The following PGD variants were observed in gnomAD, a reference collection of about 807,000 sequenced individuals.
The protein encoded by PGD is phosphogluconate dehydrogenase.
In PGD, 21 loss-of-function variants were observed where a neutral mutation model predicts 60.4. That is an observed-to-expected ratio of 0.35 (90% confidence interval 0.25 to 0.50). PGD has a LOEUF of 0.50. PGD is among the 20% of genes least tolerant of loss of function. The pLI, the probability that PGD is intolerant of heterozygous loss-of-function variation, is 0.98. For missense variants in PGD, 477 were observed against 613.1 expected (o/e 0.78, Z 2.34); for synonymous variants, 230 against 235.9 (o/e 0.97, Z 0.23).
At position 10,403,590 on chromosome 1, in the gene PGD, GAAAAAA is replaced by G. The variant is rs71583866; in HGVS notation, c.330+469_330+474del. On this transcript the variant is annotated intron_variant, in intron 4 of 12. Transcript: ENST00000270776. ...TGGGCGACAGAGTGAAACTCCATCT[GAAAAAA>G]AAAAAAAAAAAAAAGACACTTGGTG... is the stretch of plus-strand genomic sequence containing the variant. Among the ~76,000 whole-genome samples the G allele has an allele frequency of 1.3e-4, 9 of 67,144 alleles. No homozygotes were observed. The Admixed American group carries it at 1.8e-3, about 14-fold the overall frequency. The allele number at this position is 67,144 out of a possible 152,430, so 44.0% of individuals were successfully genotyped here.
chr1:10,399,857 C>A, intron 2 of PGD, 153 bp downstream of exon 2: 1 of 674,808 alleles, frequency 1.5e-6, no homozygotes, highest in Non-Finnish European at 2.6e-6. Flanking sequence ...GGAGAAGCAC[C>A]CTGTAGGCGT....
At chr1:10,416,878 C>T in intron 8 of PGD, 109 bp from the exon 9 acceptor site, 1 of 978,470 alleles carries the variant, frequency 1.0e-6, no homozygotes. Flanking sequence ...TCTTCACTTG[C>T]TTCAGGCCAT....
chr1:10,412,984 G>A, intron 7 of PGD, 78 bp from the exon 8 acceptor site: 1 of 1,239,714 alleles, frequency 8.1e-7, no homozygotes, highest in Non-Finnish European at 1.2e-6. Flanking sequence ...GCATTGGTCA[G>A]CGTGGACATT....
At chr1:10,402,144 A>G in intron 3 of PGD, among the ~76,000 whole-genome samples, 1 of 152,242 alleles carries the variant, frequency 6.6e-6, no homozygotes. Flanking sequence ...AACTGTTGTC[A>G]TAAAATCATT....
rs1179488121 is a variant in PGD, at chr1:10,420,014, G to T, written c.*265G>T. On this transcript the variant is annotated 3_prime_UTR_variant, in exon 13 of 13. Transcript: ENST00000270776. Reference sequence around the variant, plus strand: ...CTCCTTGCGGCAGTGGCTTCCGCGTGCCCCGTGTGCTGGTGCGGTTCCCAT... The same window carrying T: ...CTCCTTGCGGCAGTGGCTTCCGCGTTCCCCGTGTGCTGGTGCGGTTCCCAT... The T allele has an allele frequency of 1.3e-5, 6 of 451,830 alleles. 1 individual carries two copies. Among genetic ancestry groups the T allele is most frequent in the Non-Finnish European group, 2.4e-5 (6 of 245,834 alleles). 28.0% of individuals were successfully genotyped at this position (451,830 alleles called of 1,614,324 possible).
At chr1:10,405,698 T>C (rs964650905) in intron 5 of PGD, among the ~76,000 whole-genome samples, 1 of 151,692 alleles carries the variant, frequency 6.6e-6, no homozygotes, top group East Asian at 2.0e-4. Context: ...TAGCCGGGCA[T>C]GGTGGAGGGC....
intron 3 of PGD, among the ~76,000 whole-genome samples, chr1:10,401,770 C>T (rs757447051): frequency 6.2e-4 from 94 of 152,124 alleles, no homozygotes; most frequent in Non-Finnish European, 1.3e-3. Context: ...AATCCCAGCA[C>T]TTTGGGAGGC....
chr1:10,417,332 C>A, intron 9 of PGD, 44 bp from the exon 10 acceptor site: 1 of 1,568,844 alleles, frequency 6.4e-7, no homozygotes, highest in Non-Finnish European at 8.7e-7. Flanking sequence ...AAGGCGGTCA[C>A]TCTCCTAATG....
In PGD at chr1:10,399,083, C is replaced by G. The variant is rs374170623; in HGVS notation, c.-35C>G. On this transcript the variant is annotated 5_prime_UTR_variant, in exon 1 of 13. Transcript: ENST00000270776. The stretch of plus-strand genomic sequence containing the variant: ...GTCTTTCCCTCACTCGTCCTCCGCG[C>G]GTCGCCGCTCTTCGGTTCTGCTCTG... 1.6e-5 allele frequency: 25 copies of G among 1,608,828 alleles called. No homozygotes were observed. Among genetic ancestry groups the G allele is most frequent in the Non-Finnish European group, 2.0e-5 (24 of 1,179,506 alleles).
rs761910938 is a variant in PGD, at chr1:10,417,452, G to C, written c.1052G>C (p.Trp351Ser). The C allele has an allele frequency of 3.1e-6, 5 of 1,613,866 alleles. No homozygotes were observed. The highest frequency in any genetic ancestry group is 4.5e-5 in the East Asian group (2 of 44,890). Residue 351 changes from tryptophan (W) to serine (S), a missense_variant, in exon 10 of 13, where the codon TGG becomes TCG. By Grantham distance (177) the Trp-to-Ser change is radical. Coordinates refer to ENST00000270776, the MANE Select transcript of PGD (RefSeq NM_002631.4). ...AGGCAGGCAGCCACCGAGTTTGGCTGGACTCTCAATTATGGTGGCATCGCC... is the reference window on the plus strand; with the variant it reads ...AGGCAGGCAGCCACCGAGTTTGGCTCGACTCTCAATTATGGTGGCATCGCC... The part of the protein sequence containing the change: ...LLRQAATEFG[W>S]TLNYGGIALM...
chr1:10,414,753 A>C (rs1639565930), intron 8 of PGD, among the ~76,000 whole-genome samples: 1 of 151,954 alleles, frequency 6.6e-6, no homozygotes, highest in African/African-American at 2.4e-5. Context: ...TCTCGTGGTT[A>C]ATGAGAGGCT....
chr1:10,412,817 G>A (rs1639521284), intron 7 of PGD: 2 of 424,398 alleles, frequency 4.7e-6, no homozygotes, highest in South Asian at 7.4e-5. Flanking sequence ...GTGAAGTGAG[G>A]AGCCCTTGCC....
At chr1:10,400,248 C>A in intron 2 of PGD, 145 bp from the exon 3 acceptor site, 1 of 614,054 alleles carries the variant, frequency 1.6e-6, no homozygotes, top group Non-Finnish European at 2.9e-6. Context: ...TTACAGTGAG[C>A]CTCCCACAGC....
In PGD at chr1:10,403,068, C is replaced by T. The variant is rs948380865; in HGVS notation, c.265-3C>T. The stretch of plus-strand genomic sequence containing the variant: ...CCATCTTAATGCTGGTGTCTGGTTA[C>T]AGGTACCATTGTTGGATACTGGTGA... On this transcript the variant is annotated splice_region_variant and splice_polypyrimidine_tract_variant and intron_variant, in intron 3 of 12. Coordinates refer to ENST00000270776, the MANE Select transcript of PGD (RefSeq NM_002631.4). 4 of 1,600,340 alleles carry T rather than the reference C, an allele frequency of 2.5e-6. No homozygotes were observed. The Admixed American group carries it at 6.7e-5, about 27-fold the overall frequency.
At chr1:10,412,514 C>G (rs1027017986) in intron 7 of PGD, among the ~76,000 whole-genome samples, 2 of 152,168 alleles carry the variant, frequency 1.3e-5, no homozygotes, top group Non-Finnish European at 2.9e-5. Flanking sequence ...TTTTCTTTCA[C>G]AGAAACAGTG....
chr1:10,409,441 T>C (rs1639460094), intron 6 of PGD, among the ~76,000 whole-genome samples: 1 of 152,090 alleles, frequency 6.6e-6, no homozygotes, highest in Non-Finnish European at 1.5e-5. Context: ...CTCTGTTCCC[T>C]GACAGTAGAT....
At position 10,419,752 on chromosome 1, in the gene PGD, A is replaced by G; in HGVS notation, c.*3A>G. 6.2e-7 allele frequency: 1 copy of G among 1,614,200 alleles called. No homozygotes were observed. The highest frequency in any genetic ancestry group is 8.5e-7 in the Non-Finnish European group (1 of 1,180,012). ...CATCCTCGTCATACAATGCCTGATC[A>G]TGCTGCTCCTGTCACCCTCCACGAT... On this transcript the variant is annotated 3_prime_UTR_variant, in exon 13 of 13. Coordinates refer to ENST00000270776, the MANE Select transcript of PGD (RefSeq NM_002631.4).
chr1:10,419,365 C>T, intron 11 of PGD, 52 bp from the exon 12 acceptor site: 1 of 1,578,436 alleles, frequency 6.3e-7, no homozygotes, highest in Non-Finnish European at 8.6e-7. Context: ...GAAAATCTAT[C>T]CGCGTCACCA....
intron 6 of PGD, among the ~76,000 whole-genome samples, chr1:10,410,748 C>T (rs1276392104): frequency 6.6e-6 from 1 of 152,070 alleles, no homozygotes; most frequent in Admixed American, 6.6e-5. Flanking sequence ...TTTGTAACCA[C>T]GAAGATCCAT....
Sources: gnomAD v4.1 joint callset for allele counts (sites outside exome capture counted in the v4.1 genomes callset) on GRCh38, gnomAD v4.1.1 for gene constraint, MANE v1.5 for transcripts, NCBI Gene and HGNC (gene_info 2026-07-23, HGNC 2026-07-21) for gene names.